The following TDRP variants were observed in gnomAD, a reference collection of about 807,000 sequenced individuals.
The protein encoded by TDRP is testis development related protein.
TDRP carries 12 observed loss-of-function variants against 10.5 expected under a neutral mutation model. The ratio of observed to expected loss-of-function variants is 1.15; its 90% CI spans 0.73 to 1.86. The LOEUF (loss-of-function observed/expected upper bound fraction) is 1.86. Among genes scored for constraint, TDRP ranks in the 40% most tolerant of loss-of-function variants. The pLI, the probability that TDRP is intolerant of heterozygous loss-of-function variation, is 0.00. For synonymous variants in TDRP, 139 were observed against 95.4 expected (o/e 1.46, Z -2.67); for missense variants, 353 against 229.2 (o/e 1.54, Z -3.49).
rs888558161 is a variant in TDRP at position 490,336 on chromosome 8, T to G, written c.*2063A>C. On this transcript the variant is annotated 3_prime_UTR_variant, in exon 3 of 3. Coordinates refer to ENST00000324079, the MANE Select transcript of TDRP (RefSeq NM_001384899.1). ...TGCATATTCCAATCCCAATCTGGGTTTGTCCTCAAATTTTGAGAAATAGCA... is the reference window on the plus strand; with the variant it reads ...TGCATATTCCAATCCCAATCTGGGTGTGTCCTCAAATTTTGAGAAATAGCA... 2.6e-5 allele frequency: 4 copies of G among 151,524 alleles called. No individual in the cohort carries two copies. The highest frequency in any genetic ancestry group is 2.1e-4 in the South Asian group (1 of 4,834). 9.4% of individuals were successfully genotyped at this position (151,524 alleles called of 1,614,324 possible).
chr8:491,891 T>C lies in TDRP; in HGVS notation c.*508A>G, dbSNP rs1287856027. 4 of 1,176,166 alleles carry C rather than the reference T, an allele frequency of 3.4e-6. No homozygotes were observed. The highest frequency in any genetic ancestry group is 3.2e-5 in the African/African-American group (2 of 63,138). 72.9% of individuals were successfully genotyped at this position (1,176,166 alleles called of 1,614,324 possible). A position where few individuals can be genotyped will look rare whatever the true frequency, so the allele number is the denominator to read the frequency against. ...TCCAGTATTTGTTTACGTATTTGTT[T>C]AATAAGAACAAAGTTTAATTTGTCA... On this transcript the variant is annotated 3_prime_UTR_variant, in exon 3 of 3. Transcript: ENST00000324079.
At chr8:510,425 T>C (rs7006788) in intron 1 of TDRP, among the ~76,000 whole-genome samples, 101,844 of 151,998 alleles carry the variant, frequency 0.67, 34,779 homozygotes, top group African/African-American at 0.8. Flanking sequence ...AGACAAAAGA[T>C]CAGATGTAAT....
In TDRP at chr8:543,842, A is replaced by T. The variant is rs548826135; in HGVS notation, c.108+808T>A. On this transcript the variant is annotated intron_variant, in intron 1 of 2. Transcript: ENST00000324079. Reference sequence around the variant, plus strand: ...GAGGAAGTTGCCACACGTTTAACAGAAAGAGATATTTTATGATCCAGAATG... The same window carrying T: ...GAGGAAGTTGCCACACGTTTAACAGTAAGAGATATTTTATGATCCAGAATG... Among the ~76,000 whole-genome samples, 29 of 151,080 alleles carry T rather than the reference A, an allele frequency of 1.9e-4. No individual in the cohort carries two copies. The East Asian group carries it at 4.2e-3, about 22-fold the overall frequency.
intron 1 of TDRP, among the ~76,000 whole-genome samples, chr8:508,761 A>G (rs1801533845): frequency 6.6e-6 from 1 of 152,224 alleles, no homozygotes; most frequent in South Asian, 2.1e-4. Flanking sequence ...TGCCTTCTCA[A>G]CAGTTCCCCA....
intron 1 of TDRP, among the ~76,000 whole-genome samples, chr8:543,089 C>T (rs1802541667): frequency 6.6e-6 from 1 of 152,130 alleles, no homozygotes; most frequent in East Asian, 1.9e-4. Context: ...GGGCGGATCA[C>T]GTGAGCCCAG....
intron 1 of TDRP, chr8:495,011 T>C: frequency 1.3e-5 from 2 of 157,760 alleles, no homozygotes; most frequent in Non-Finnish European, 2.8e-5. Flanking sequence ...GCAGGAGGAT[T>C]ACTTGAGCCC....
chr8:519,188 A>T (rs1018472679), intron 1 of TDRP, among the ~76,000 whole-genome samples: 3 of 152,206 alleles, frequency 2.0e-5, no homozygotes, highest in Admixed American at 6.5e-5. Context: ...TGGAGCTTCC[A>T]GGTTAGTGAA....
intron 1 of TDRP, among the ~76,000 whole-genome samples, chr8:519,966 G>C (rs953459001): frequency 6.6e-6 from 1 of 152,188 alleles, no homozygotes. Flanking sequence ...TGCTTTACCG[G>C]CATCCAGCTA....
intron 1 of TDRP, among the ~76,000 whole-genome samples, chr8:503,251 T>G (rs6997375): frequency 6.7e-6 from 1 of 148,590 alleles, no homozygotes; most frequent in African/African-American, 2.5e-5. Context: ...CACACCAACA[T>G]GGAATCCAGA....
At chr8:494,643 A>G in intron 1 of TDRP, 46 bp from the exon 2 acceptor site, 1 of 1,543,160 alleles carries the variant, frequency 6.5e-7, no homozygotes, top group Non-Finnish European at 8.9e-7. Context: ...TCATGAATCA[A>G]CAGAATTCCG....
At chr8:543,419 G>A (rs1333047567) in intron 1 of TDRP, among the ~76,000 whole-genome samples, 1 of 152,070 alleles carries the variant, frequency 6.6e-6, no homozygotes, top group African/African-American at 2.4e-5. Context: ...GCTCTATCCA[G>A]AAACAATAAT....
intron 1 of TDRP, among the ~76,000 whole-genome samples, chr8:508,856 C>T (rs1801536232): frequency 1.3e-5 from 2 of 152,188 alleles, no homozygotes; most frequent in Admixed American, 1.3e-4. Context: ...TGCCTATAAG[C>T]CTGTAAAATC....
chr8:528,638 T>C (rs1802100247), intron 1 of TDRP, among the ~76,000 whole-genome samples: 1 of 130,996 alleles, frequency 7.6e-6, no homozygotes, highest in African/African-American at 2.6e-5. Flanking sequence ...TATAATTGGA[T>C]TGTTTGTAAC....
intron 1 of TDRP, among the ~76,000 whole-genome samples, chr8:513,450 A>G (rs1375977315): frequency 6.6e-6 from 1 of 152,220 alleles, no homozygotes; most frequent in Non-Finnish European, 1.5e-5. Flanking sequence ...GCAAAATCCA[A>G]TACTCTTTCA....
chr8:531,108 G>C (rs889570093), intron 1 of TDRP, among the ~76,000 whole-genome samples: 3 of 152,154 alleles, frequency 2.0e-5, no homozygotes, highest in African/African-American at 7.2e-5. Flanking sequence ...GCAGAGAGTT[G>C]GGTGTTTACT....
chr8:511,559 T>C (rs1468206046), intron 1 of TDRP, among the ~76,000 whole-genome samples: 1 of 152,076 alleles, frequency 6.6e-6, no homozygotes, highest in Non-Finnish European at 1.5e-5. Flanking sequence ...GGATAGAAGA[T>C]TAACAACAGA....
At chr8:502,412 G>A (rs1014721075) in intron 1 of TDRP, among the ~76,000 whole-genome samples, 38 of 152,350 alleles carry the variant, frequency 2.5e-4, no homozygotes, top group African/African-American at 7.7e-4. Flanking sequence ...CCAGGCCAAC[G>A]ACCCTTCAGG....
chr8:532,622 G>A (rs1323586628), intron 1 of TDRP, among the ~76,000 whole-genome samples: 5 of 152,154 alleles, frequency 3.3e-5, no homozygotes, highest in African/African-American at 1.2e-4. Flanking sequence ...TGGAAGCTCC[G>A]GAAGAATATA....
Position 544,640 on chromosome 8 carries a change from A to AC in TDRP, c.108+9dup. ...GCCTACTAGCACTCCCCACCTGCGC[A>AC]CCCCCTCACCTGCGCCTGGGCGGCG... On this transcript the variant is annotated intron_variant, in intron 1 of 2. Transcript: ENST00000324079. The AC allele has an allele frequency of 1.6e-6, 2 of 1,229,622 alleles. No homozygotes were observed. Among genetic ancestry groups the AC allele is most frequent in the Non-Finnish European group, 2.0e-6 (2 of 986,584 alleles). 76.2% of individuals were successfully genotyped at this position (1,229,622 alleles called of 1,614,324 possible). A position where few individuals can be genotyped will look rare whatever the true frequency, so the allele number is the denominator to read the frequency against.
Sources: gnomAD v4.1 joint callset for allele counts (sites outside exome capture counted in the v4.1 genomes callset) on GRCh38, gnomAD v4.1.1 for gene constraint, MANE v1.5 for transcripts, NCBI Gene and HGNC (gene_info 2026-07-23, HGNC 2026-07-21) for gene names.